Variants in AGAP6 observed in about 807,000 individuals in gnomAD.
AGAP6 encodes arf-GAP with GTPase, ANK repeat and PH domain-containing protein 6.
A neutral mutation model predicts 63.9 loss-of-function variants in AGAP6; 29 were observed. The observed-to-expected ratio is 0.45, with a 90% CI of 0.34 to 0.62. AGAP6 has a LOEUF of 0.62. AGAP6 is among the 20% of genes least tolerant of loss of function. The pLI is 0.01. For synonymous variants in AGAP6, 199 were observed against 332.9 expected (o/e 0.60, Z 4.38); for missense variants, 493 against 884.9 (o/e 0.56, Z 5.62).
rs1554865165 is a variant in AGAP6 at position 50,009,621 on chromosome 10, G to C, written c.1496G>C (p.Cys499Ser). ...AGTTTGAACTTGGGAGTCCTCATGTGTATTGAATGCTCAGGTATCCACCGC... is the reference window on the plus strand; with the variant it reads ...AGTTTGAACTTGGGAGTCCTCATGTCTATTGAATGCTCAGGTATCCACCGC... ...WASLNLGVLM[C>S]IECSGIHRSL... is the part of the protein sequence containing the mutation. Residue 499 changes from cysteine to serine, a missense_variant, in exon 8 of 8, where the codon TGT becomes TCT. Coordinates refer to ENST00000412531, the MANE Select transcript of AGAP6 (RefSeq NM_001077665.3). The C allele has an allele frequency of 6.2e-7, 1 of 1,614,198 alleles. No homozygotes were observed. Among genetic ancestry groups the C allele is most frequent in the East Asian group, 2.2e-5 (1 of 44,888 alleles).
chr10:50,006,764 C>CA (rs555257489), intron 6 of AGAP6, among the ~76,000 whole-genome samples: 10,202 of 147,866 alleles, frequency 0.069, 304 homozygotes, highest in African/African-American at 0.12. Flanking sequence ...TCTTTAAAAA[C>CA]AAAAAAAAAA....
intron 3 of AGAP6, 141 bp from the exon 4 acceptor site, chr10:49,994,254 T>C: frequency 9.9e-7 from 1 of 1,010,692 alleles, no homozygotes. Flanking sequence ...CCAGATAATT[T>C]AAATTATAAA....
intron 4 of AGAP6, among the ~76,000 whole-genome samples, chr10:49,996,219 T>C (rs1841480388): frequency 6.6e-6 from 1 of 152,206 alleles, no homozygotes; most frequent in Non-Finnish European, 1.5e-5. Context: ...TTGAATTTTG[T>C]AATTTTTGGA....
At chr10:49,992,218 C>A (rs1841310528) in intron 3 of AGAP6, among the ~76,000 whole-genome samples, 1 of 151,882 alleles carries the variant, frequency 6.6e-6, no homozygotes, top group Non-Finnish European at 1.5e-5. Context: ...GTCCTCTGAC[C>A]ACATTCATTT....
At chr10:50,004,063 T>C (rs1478158472) in intron 5 of AGAP6, among the ~76,000 whole-genome samples, 3 of 152,130 alleles carry the variant, frequency 2.0e-5, no homozygotes, top group Non-Finnish European at 2.9e-5. Flanking sequence ...CACATGCCTG[T>C]AATCCCAGCC....
intron 6 of AGAP6, among the ~76,000 whole-genome samples, chr10:50,006,615 A>T (rs1554863942): frequency 6.6e-6 from 1 of 152,210 alleles, no homozygotes; most frequent in Non-Finnish European, 1.5e-5. Flanking sequence ...GAAGGAGCTC[A>T]AGCCATCTGC....
Position 50,009,298 on chromosome 10 carries a change from G to C in AGAP6, c.1173G>C (p.Pro391=). ...GCACCACCAGCCCCAAGCTCAACCC[G>C]CCCCCCTCTCCTCATGCTAATAAAA... The part of the protein sequence containing the change: ...ISSTTSPKLN[P]PPSPHANKKK... The change falls in exon 8 of 8, where the codon CCG becomes CCC. Residue 391 remains proline (P), a synonymous_variant. Coordinates refer to ENST00000412531, the MANE Select transcript of AGAP6 (RefSeq NM_001077665.3). 1 of 1,613,542 alleles carries C rather than the reference G, an allele frequency of 6.2e-7. No homozygotes were observed.
intron 5 of AGAP6, among the ~76,000 whole-genome samples, chr10:50,003,938 A>G (rs1385471767): frequency 6.6e-6 from 1 of 152,254 alleles, no homozygotes; most frequent in African/African-American, 2.4e-5. Context: ...TCACATGCTA[A>G]TATTACAGGC....
chr10:49,994,243 GC>G (rs1841394726), intron 3 of AGAP6, 151 bp from the exon 4 acceptor site: 1 of 938,852 alleles, frequency 1.1e-6, no homozygotes. Flanking sequence ...AATTAATCAT[GC>G]CAGATAATTT....
chr10:50,010,196 T>A lies in AGAP6; in HGVS notation c.*10T>A. On this transcript the variant is annotated 3_prime_UTR_variant, in exon 8 of 8. Transcript: ENST00000412531. ...CGACGAGTGTGTGTAGTATCTGTTTTATTTGACTGCAGTCTCCTTGGTGCA... is the reference window on the plus strand; with the variant it reads ...CGACGAGTGTGTGTAGTATCTGTTTAATTTGACTGCAGTCTCCTTGGTGCA... 6.3e-7 allele frequency: 1 copy of A among 1,586,732 alleles called. No homozygotes were observed. The highest frequency in any genetic ancestry group is 1.1e-5 in the South Asian group (1 of 86,984).
intron 7 of AGAP6, among the ~76,000 whole-genome samples, chr10:50,008,362 G>A (rs1248413823): frequency 6.7e-6 from 1 of 149,078 alleles, no homozygotes; most frequent in Non-Finnish European, 1.5e-5. Context: ...GCAATCGCGC[G>A]ATCTTGGTTC....
chr10:49,989,080 G>T lies in AGAP6; in HGVS notation c.223+142G>T, dbSNP rs540532662. 474 of 1,524,832 alleles carry T rather than the reference G, an allele frequency of 3.1e-4. 2 individuals carry two copies. The African/African-American group carries it at 6.0e-3, about 19-fold the overall frequency. The allele number at this position is 1,524,832 out of a possible 1,614,324, so 94.5% of individuals were successfully genotyped here. On this transcript the variant is annotated intron_variant, in intron 1 of 7. Transcript: ENST00000412531. ...CGGGGGCTGGCCAGGAACAAAAGCT[G>T]GCTCTGCCTTGAATTCCCACCCCTT...
intron 4 of AGAP6, among the ~76,000 whole-genome samples, chr10:49,997,481 A>AAGGG (rs1267681784): frequency 6.6e-6 from 1 of 151,950 alleles, no homozygotes; most frequent in African/African-American, 2.4e-5. Context: ...CTGGGCAACA[A>AAGGG]AGGGAGACCC....
At chr10:50,006,949 G>T (rs1841932667) in intron 6 of AGAP6, among the ~76,000 whole-genome samples, 1 of 151,790 alleles carries the variant, frequency 6.6e-6, no homozygotes, top group African/African-American at 2.4e-5. Flanking sequence ...CCACTGCCTT[G>T]ATTTATGCTG....
chr10:49,991,580 T>C lies in AGAP6; in HGVS notation c.293-96T>C, dbSNP rs527338220. 346 of 1,497,532 alleles carry C rather than the reference T, an allele frequency of 2.3e-4. No individual in the cohort carries two copies. In the African/African-American group the frequency reaches 4.4e-3, roughly 19 times the overall value. The allele number at this position is 1,497,532 out of a possible 1,614,324, so 92.8% of individuals were successfully genotyped here. A position where few individuals can be genotyped will look rare whatever the true frequency, so the allele number is the denominator to read the frequency against. Reference sequence around the variant, plus strand: ...CAATGGATAAGAATCAAAGTAGAGATAGTGAAATAGCCTAAATGCAGCAGT... The same window carrying C: ...CAATGGATAAGAATCAAAGTAGAGACAGTGAAATAGCCTAAATGCAGCAGT... On this transcript the variant is annotated intron_variant, in intron 2 of 7. Coordinates refer to ENST00000412531, the MANE Select transcript of AGAP6 (RefSeq NM_001077665.3).
rs569602183 is a variant in AGAP6 at position 49,994,413 on chromosome 10, G to A, written c.380G>A (p.Ser127Asn). The change falls in exon 4 of 8, where the codon AGC becomes AAC. Residue 127 changes from serine to asparagine, a missense_variant. This residue lies in a region of AGAP6 where 342 missense variants were observed against 533.4 expected (regional missense o/e 0.64). Transcript: ENST00000412531. ...TTCTTAGTTGTAGAAATAAGAAGAA[G>A]CAACTGTACAAACCATGTAAGTAAA... ...SQTDVVEIRRSNCTNHVSAVR... is the reference protein window; with the variant it reads ...SQTDVVEIRRNNCTNHVSAVR... 1.2e-3 allele frequency: 1,810 copies of A among 1,531,142 alleles called. 17 individuals are homozygous for A. In the South Asian group the frequency reaches 0.02, roughly 17 times the overall value. 94.8% of individuals were successfully genotyped at this position (1,531,142 alleles called of 1,614,324 possible). A position where few individuals can be genotyped will look rare whatever the true frequency, so the allele number is the denominator to read the frequency against.
chr10:50,010,176 AGT>A lies in AGAP6; in HGVS notation c.2058_2059del (p.Ter687ValfsTer19), dbSNP rs1842061546. 1 of 1,604,250 alleles carries A rather than the reference AGT, an allele frequency of 6.2e-7. No homozygotes were observed. The highest frequency in any genetic ancestry group is 1.3e-5 in the African/African-American group (1 of 74,550). ...CTTCTGCAGTACGGCTGCCCCGACG[AGT>A]GTGTGTAGTATCTGTTTTATTTGAC... On this transcript the variant is annotated frameshift_variant, in exon 8 of 8. Transcript: ENST00000412531. LOFTEE classifies it high-confidence loss of function.
intron 2 of AGAP6, among the ~76,000 whole-genome samples, chr10:49,991,080 C>G (rs1397994978): frequency 6.6e-6 from 1 of 152,078 alleles, no homozygotes; most frequent in African/African-American, 2.4e-5. Context: ...TCTCACTTGG[C>G]CCTTTCCAAT....
chr10:50,003,503 AG>A (rs1352986020), intron 5 of AGAP6, among the ~76,000 whole-genome samples: 1 of 152,166 alleles, frequency 6.6e-6, no homozygotes, highest in African/African-American at 2.4e-5. Context: ...CTTTCTGTGA[AG>A]AAAAGCATCC....
Sources: allele counts gnomAD v4.1 joint callset (sites outside exome capture counted in the v4.1 genomes callset), GRCh38; gene constraint gnomAD v4.1.1; regional missense constraint gnomAD v4.1.1; transcripts MANE v1.5; gene names NCBI Gene and HGNC (gene_info 2026-07-23, HGNC 2026-07-21).